DFFB: variants seen among roughly 807,000 people sequenced by gnomAD.
The protein encoded by DFFB is DNA fragmentation factor 40 kDa subunit.
DFFB carries 29 observed loss-of-function variants against 32.7 expected under a neutral mutation model. That is an observed-to-expected ratio of 0.89 (90% CI 0.66 to 1.21). The LOEUF is 1.21. DFFB is among the 50% of genes most tolerant of loss of function. The pLI, the probability that DFFB is intolerant of heterozygous loss-of-function variation, is 0.00. For synonymous variants in DFFB, 170 were observed against 177.1 expected (o/e 0.96, Z 0.32); for missense variants, 398 against 440.6 (o/e 0.90, Z 0.87).
intron 6 of DFFB, chr1:3,873,105 C>T: frequency 3.3e-6 from 2 of 599,140 alleles, no homozygotes; most frequent in South Asian, 4.3e-5. Flanking sequence ...AGCAATCCTC[C>T]TGCCTCAGCC....
intron 6 of DFFB, among the ~76,000 whole-genome samples, chr1:3,882,302 C>T (rs1645356323): frequency 6.6e-6 from 1 of 151,812 alleles, no homozygotes; most frequent in African/African-American, 2.4e-5. Flanking sequence ...TGATCACCCA[C>T]CTCATCCTCT....
chr1:3,874,794 C>T (rs1410853802), intron 6 of DFFB, among the ~76,000 whole-genome samples: 4 of 148,426 alleles, frequency 2.7e-5, no homozygotes, highest in East Asian at 2.0e-4. Context: ...CGTCTACATA[C>T]GTGGCCTCCC....
At chr1:3,875,938 G>A (rs112611665) in intron 6 of DFFB, among the ~76,000 whole-genome samples, 3 of 151,938 alleles carry the variant, frequency 2.0e-5, no homozygotes, top group Non-Finnish European at 2.9e-5. Context: ...CACCACACCC[G>A]GCTAATTTTT....
At chr1:3,873,091 C>A (rs1323151976) in intron 6 of DFFB, 2 of 805,906 alleles carry the variant, frequency 2.5e-6, no homozygotes, top group Non-Finnish European at 3.4e-6. Context: ...AACTCCTGGC[C>A]TCAAGCAATC....
chr1:3,866,201 C>T (rs1644976910), intron 3 of DFFB: 7 of 692,204 alleles, frequency 1.0e-5, no homozygotes, highest in Non-Finnish European at 1.8e-5. Flanking sequence ...TCAGGTGGGG[C>T]CAGAGTCCAG....
chr1:3,869,727 C>G lies in DFFB; in HGVS notation c.633C>G (p.Ala211=). 6.2e-7 allele frequency: 1 copy of G among 1,610,922 alleles called. No homozygotes were observed. Among genetic ancestry groups the G allele is most frequent in the East Asian group, 2.2e-5 (1 of 44,806 alleles). The part of the protein sequence containing the change: ...QYNGSYFDRG[A]KGGSRLCTPE... ...ATGGCAGCTACTTCGACAGAGGAGC[C>G]AAGGGCGGCAGCCGCCTCTGCACAC... Residue 211 remains alanine, a synonymous_variant, in exon 5 of 7, where the codon GCC becomes GCG. Transcript: ENST00000378209.
chr1:3,880,806 C>T (rs776568702), intron 6 of DFFB, among the ~76,000 whole-genome samples: 18 of 152,314 alleles, frequency 1.2e-4, no homozygotes, highest in Non-Finnish European at 1.6e-4. Flanking sequence ...CTCTGTGCTC[C>T]GGTGTGTCAC....
Position 3,868,170 on chromosome 1 carries a change from G to A in DFFB, c.510+117G>A, listed in dbSNP as rs568546209. On this transcript the variant is annotated intron_variant, in intron 4 of 6. Transcript: ENST00000378209. Reference sequence around the variant, plus strand: ...TGGTAGGACCACACTCCGTGCTTGCGTGGATCTGGTGGGGCTGCTCTGGTG... The same window carrying A: ...TGGTAGGACCACACTCCGTGCTTGCATGGATCTGGTGGGGCTGCTCTGGTG... 1.2e-4 allele frequency: 109 copies of A among 913,168 alleles called. 1 individual carries two copies. The highest frequency in any genetic ancestry group is 8.5e-4 in the African/African-American group (52 of 61,506). The allele number at this position is 913,168 out of a possible 1,614,324, so 56.6% of individuals were successfully genotyped here. A position where few individuals can be genotyped will look rare whatever the true frequency, so the allele number is the denominator to read the frequency against.
At chr1:3,864,882 G>A (rs1378934567) in intron 2 of DFFB, among the ~76,000 whole-genome samples, 3 of 152,146 alleles carry the variant, frequency 2.0e-5, no homozygotes, top group African/African-American at 4.8e-5. Context: ...TTTGCCATCT[G>A]TAGATTCTCC....
At chr1:3,870,402 G>A (rs184273881) in intron 5 of DFFB, among the ~76,000 whole-genome samples, 1 of 150,944 alleles carries the variant, frequency 6.6e-6, no homozygotes, top group Non-Finnish European at 1.5e-5. Context: ...ATGGCCTGCG[G>A]TGCTTCTTCC....
chr1:3,872,074 G>A (rs66525235), intron 5 of DFFB, among the ~76,000 whole-genome samples: 43,745 of 152,126 alleles, frequency 0.29, 6,981 homozygotes, highest in Non-Finnish European at 0.38. Context: ...AGCTCTGGGT[G>A]GGGCTGCACG....
Position 3,868,669 on chromosome 1 carries a change from A to ACCACG in DFFB, c.510+620_510+621insGCCAC, listed in dbSNP as rs1645042502. 4.3e-4 allele frequency among the ~76,000 whole-genome samples: 33 copies of ACCACG among 76,576 alleles called. 5 individuals are homozygous for ACCACG. The highest frequency in any genetic ancestry group is 5.5e-4 in the Admixed American group (4 of 7,302). 50.2% of individuals were successfully genotyped at this position (76,576 alleles called of 152,430 possible). A position where few individuals can be genotyped will look rare whatever the true frequency, so the allele number is the denominator to read the frequency against. ...GCCACACCACACCAGGCCACACCAC[A>ACCACG]CCACACCACGCCACACCACACCAGG... is the stretch of plus-strand genomic sequence containing the variant. On this transcript the variant is annotated intron_variant, in intron 4 of 6. Coordinates refer to ENST00000378209, the MANE Select transcript of DFFB (RefSeq NM_004402.4).
intron 6 of DFFB, among the ~76,000 whole-genome samples, chr1:3,879,173 T>TC (rs1645285811): frequency 6.6e-6 from 1 of 152,222 alleles, no homozygotes; most frequent in Non-Finnish European, 1.5e-5. Context: ...TCTTTTGGAT[T>TC]CTGCCTGGGA....
At chr1:3,883,474 A>G in intron 6 of DFFB, 33 bp from the exon 7 acceptor site, 1 of 1,603,044 alleles carries the variant, frequency 6.2e-7, no homozygotes, top group Non-Finnish European at 8.5e-7. Flanking sequence ...CACTGTGACC[A>G]CAGAAAATGA....
At position 3,883,893 on chromosome 1, in the gene DFFB, C is replaced by T. The variant is rs940047274; in HGVS notation, c.*152C>T. 39 of 633,564 alleles carry T rather than the reference C, an allele frequency of 6.2e-5. No individual in the cohort carries two copies. Among genetic ancestry groups the T allele is most frequent in the Non-Finnish European group, 9.9e-5 (36 of 361,866 alleles). The allele number at this position is 633,564 out of a possible 1,614,324, so 39.2% of individuals were successfully genotyped here. On this transcript the variant is annotated 3_prime_UTR_variant, in exon 7 of 7. Coordinates refer to ENST00000378209, the MANE Select transcript of DFFB (RefSeq NM_004402.4). ...AAAATGTTTCCTCCAAATCTGATTT[C>T]ATTACATTTCTGAATTGTTGGGGTT...
intron 2 of DFFB, among the ~76,000 whole-genome samples, chr1:3,864,626 A>G (rs1368847026): frequency 6.6e-6 from 1 of 152,160 alleles, no homozygotes; most frequent in African/African-American, 2.4e-5. Context: ...CCTGGGCTCA[A>G]GCGATCCTCC....
intron 6 of DFFB, among the ~76,000 whole-genome samples, chr1:3,879,706 C>T (rs1291626316): frequency 6.6e-6 from 1 of 152,154 alleles, no homozygotes; most frequent in African/African-American, 2.4e-5. Context: ...AGCTGGAGCA[C>T]ACTAAGACAC....
intron 2 of DFFB, among the ~76,000 whole-genome samples, chr1:3,863,609 A>C (rs1377344999): frequency 1.3e-5 from 2 of 152,216 alleles, no homozygotes; most frequent in African/African-American, 4.8e-5. Flanking sequence ...GAAACCACCT[A>C]AGTCTCCAAT....
chr1:3,859,984 C>T (rs921266971), intron 2 of DFFB, among the ~76,000 whole-genome samples: 1 of 152,198 alleles, frequency 6.6e-6, no homozygotes, highest in African/African-American at 2.4e-5. Flanking sequence ...CTCTGTCTGT[C>T]TCTGTCTCTC....
Sources: gnomAD v4.1 joint callset for allele counts (sites outside exome capture counted in the v4.1 genomes callset) on GRCh38, gnomAD v4.1.1 for gene constraint, MANE v1.5 for transcripts, NCBI Gene and HGNC (gene_info 2026-07-23, HGNC 2026-07-21) for gene names.